The following SPEG variants were observed in gnomAD, a reference collection of about 807,000 sequenced individuals.
SPEG encodes striated muscle enriched protein kinase, also known as striated muscle preferentially expressed protein kinase.
In SPEG, 114 loss-of-function variants were observed where a neutral mutation model predicts 300.4. The ratio of observed to expected loss-of-function variants is 0.38; its 90% CI spans 0.33 to 0.44. SPEG has a LOEUF of 0.44. SPEG is among the 20% of genes least tolerant of loss of function. SPEG has a pLI of 1.00. For synonymous variants in SPEG, 1,964 were observed against 2,018.9 expected, an observed-to-expected ratio of 0.97 and a Z score of 0.73; for missense variants, 4,201 against 4,586.2, an observed-to-expected ratio of 0.92 and a Z score of 2.43.
chr2:219,492,158 A>G lies in SPEG; in HGVS notation c.9509A>G (p.Glu3170Gly). 1 of 1,613,710 alleles carries G rather than the reference A, an allele frequency of 6.2e-7. No homozygotes were observed. Among genetic ancestry groups the G allele is most frequent in the Non-Finnish European group, 8.5e-7 (1 of 1,179,866 alleles). Residue 3170 changes from glutamate to glycine, a missense_variant, in exon 40 of 41, where the codon GAG (glutamate) becomes GGG (glycine). Physicochemically the swap from Glu to Gly is moderately conservative, Grantham distance 98 (BLOSUM62 -2). Around this residue, in one of 4 missense-constraint regions of SPEG, gnomAD observed 318 missense variants for 429.5 expected, o/e 0.74. Coordinates refer to ENST00000312358, the MANE Select transcript of SPEG (RefSeq NM_005876.5). ...PFYEPDPQET[E>G]ARIVGGRFDA... ...TATGAGCCAGACCCCCAGGAAACGG[A>G]GGCTCGGATTGTGGGGGGCCGCTTT...
In SPEG at chr2:219,492,664, C is replaced by T. The variant is rs1215400140; in HGVS notation, c.9682C>T (p.Arg3228Cys). 6.2e-6 allele frequency: 10 copies of T among 1,610,886 alleles called. No individual in the cohort carries two copies. Among genetic ancestry groups the T allele is most frequent in the African/African-American group, 1.3e-5 (1 of 74,932 alleles). The part of the protein sequence containing the change: ...LQDAYLMKLR[R>C]QTLTFTTNRL... The stretch of plus-strand genomic sequence containing the variant: ...GGACGCCTACCTGATGAAGCTGCGC[C>T]GCCAGACGCTCACCTTCACCACCAA... The change falls in exon 41 of 41, where the codon CGC (arginine) becomes TGC (cysteine). Residue 3228 changes from arginine to cysteine, a missense_variant. Arg to Cys is a radical substitution (Grantham distance 180). Transcript: ENST00000312358.
Position 219,477,216 on chromosome 2 carries a change from C to G in SPEG, c.4561-61C>G, listed in dbSNP as rs116017731. On this transcript the variant is annotated intron_variant, in intron 19 of 40. Coordinates refer to ENST00000312358, the MANE Select transcript of SPEG (RefSeq NM_005876.5). This position sits in a 1 kb window ranked among gnomAD's most constrained non-coding sequence, Gnocchi z 6.4. ...GCGCTGCCCAGAGTAGGAGATGAGG[C>G]CCTGGCCCCAAGGTAGAGATGAGGC... 153 of 1,466,986 alleles carry G rather than the reference C, an allele frequency of 1.0e-4. No individual in the cohort carries two copies. Among genetic ancestry groups the G allele is most frequent in the Middle Eastern group, 4.4e-4 (2 of 4,500 alleles). 90.9% of individuals were successfully genotyped at this position (1,466,986 alleles called of 1,614,324 possible).
Position 219,469,012 on chromosome 2 carries a change from A to G in SPEG, c.3455A>G (p.Tyr1152Cys). The change falls in exon 12 of 41, where the codon TAT becomes TGT. Residue 1152 changes from tyrosine (Y) to cysteine (C), a missense_variant. Tyr to Cys is a radical substitution (Grantham distance 194). This residue lies in a region of SPEG where 1,047 missense variants were observed against 1,356.8 expected (regional missense o/e 0.77). Transcript: ENST00000312358. ...HGQAHCSAQLYVEEPRTAASG... is the reference protein window; with the variant it reads ...HGQAHCSAQLCVEEPRTAASG... ...CAGGCCCACTGCTCAGCCCAGCTGT[A>G]TGTAGAAGAGCCCCGGACAGCCGCC... 6.2e-7 allele frequency: 1 copy of G among 1,613,608 alleles called. No individual in the cohort carries two copies. The highest frequency in any genetic ancestry group is 2.2e-5 in the East Asian group (1 of 44,862).
chr2:219,479,873 C>A lies in SPEG; in HGVS notation c.5163+13C>A. Reference sequence around the variant, plus strand: ...CCTCGATGTCAAGGTGAGGTGGGGACTGGAGAGCAGACAGCCCCTGTGGGA... The same window carrying A: ...CCTCGATGTCAAGGTGAGGTGGGGAATGGAGAGCAGACAGCCCCTGTGGGA... On this transcript the variant is annotated intron_variant, in intron 24 of 40. Transcript: ENST00000312358. This position sits in a 1 kb window ranked among gnomAD's most constrained non-coding sequence, Gnocchi z 5.5. 6.2e-7 allele frequency: 1 copy of A among 1,614,064 alleles called. No individual in the cohort carries two copies. Among genetic ancestry groups the A allele is most frequent in the South Asian group, 1.1e-5 (1 of 91,086 alleles).
chr2:219,462,106 T>C, intron 7 of SPEG, 49 bp downstream of exon 7: 1 of 1,454,244 alleles, frequency 6.9e-7, no homozygotes, highest in African/African-American at 1.4e-5. Flanking sequence ...CCCCGTTCCT[T>C]TGGGTGCCCC....
chr2:219,485,800 A>C (rs1441868771), intron 31 of SPEG, among the ~76,000 whole-genome samples: 2 of 152,214 alleles, frequency 1.3e-5, no homozygotes, highest in Non-Finnish European at 2.9e-5. Context: ...TAAGTGGAGC[A>C]GCTGAAGTTG....
chr2:219,461,850 C>G, intron 6 of SPEG, 32 bp from the exon 7 acceptor site: 2 of 1,604,778 alleles, frequency 1.2e-6, no homozygotes, highest in Non-Finnish European at 1.7e-6. Flanking sequence ...TGCTCGCCTT[C>G]CTCCCTGGTA....
intron 40 of SPEG, 58 bp from the exon 41 acceptor site, chr2:219,492,536 G>A: frequency 1.9e-6 from 3 of 1,559,800 alleles, no homozygotes; most frequent in Non-Finnish European, 2.6e-6. Context: ...GGAGGACAGA[G>A]CCCCGGCAGC....
chr2:219,451,092 G>T lies in SPEG; in HGVS notation c.2114-44G>T. The T allele has an allele frequency of 6.4e-7, 1 of 1,562,174 alleles. No individual in the cohort carries two copies. Among genetic ancestry groups the T allele is most frequent in the South Asian group, 1.2e-5 (1 of 81,434 alleles). On this transcript the variant is annotated intron_variant, in intron 4 of 40. Coordinates refer to ENST00000312358, the MANE Select transcript of SPEG (RefSeq NM_005876.5). This position sits in a 1 kb window ranked among gnomAD's most constrained non-coding sequence, Gnocchi z 6.4. Reference sequence around the variant, plus strand: ...GACTCTCTCTCCCGCTGTCATCCCTGCAGGGATCATGGCCCCTTACCCCGT... The same window carrying T: ...GACTCTCTCTCCCGCTGTCATCCCTTCAGGGATCATGGCCCCTTACCCCGT...
At position 219,484,663 on chromosome 2, in the gene SPEG, C is replaced by T. The variant is rs62191887; in HGVS notation, c.7200C>T (p.Val2400=). The T allele has an allele frequency of 4.6e-5, 71 of 1,529,698 alleles. No individual in the cohort carries two copies. In the Middle Eastern group the frequency reaches 6.7e-4, roughly 14 times the overall value. The allele number at this position is 1,529,698 out of a possible 1,614,324, so 94.8% of individuals were successfully genotyped here. Residue 2400 remains valine, a synonymous_variant, in exon 30 of 41, where the codon GTC becomes GTT. Transcript: ENST00000312358. ...RSRSVQDLRA[V]GEPGLVRRLS... ...GCTCGGTGCAGGACCTCAGGGCTGT[C>T]GGAGAGCCTGGCCTCGTCCGCCGCC... is the stretch of plus-strand genomic sequence containing the variant.
Position 219,484,809 on chromosome 2 carries a change from C to G in SPEG, c.7346C>G (p.Pro2449Arg), listed in dbSNP as rs1251677933. ...SEGGSSARGS[P>R]VLAMRRRLSF... is the part of the protein sequence containing the mutation. ...GGCGGGAGCTCGGCGCGGGGCTCCCCGGTGCTGGCGATGCGCAGGCGGCTG... is the reference window on the plus strand; with the variant it reads ...GGCGGGAGCTCGGCGCGGGGCTCCCGGGTGCTGGCGATGCGCAGGCGGCTG... Residue 2449 changes from proline (P) to arginine (R), a missense_variant, in exon 30 of 41, where the codon CCG becomes CGG. By Grantham distance (103) the Pro-to-Arg change is moderately radical (BLOSUM62 -2). This residue lies in a region of SPEG where 1,578 missense variants were observed against 1,506.0 expected (regional missense o/e 1.05). Coordinates refer to ENST00000312358, the MANE Select transcript of SPEG (RefSeq NM_005876.5). 1.2e-5 allele frequency: 18 copies of G among 1,489,896 alleles called. No homozygotes were observed. Among genetic ancestry groups the G allele is most frequent in the Non-Finnish European group, 1.6e-5 (18 of 1,128,838 alleles). The allele number at this position is 1,489,896 out of a possible 1,614,324, so 92.3% of individuals were successfully genotyped here.
In SPEG at chr2:219,462,426, T is replaced by C. The variant is rs375703794; in HGVS notation, c.2705+40T>C. The C allele has an allele frequency of 1.1e-4, 165 of 1,497,798 alleles. No homozygotes were observed. The African/African-American group carries it at 1.9e-3, about 17-fold the overall frequency. The allele number at this position is 1,497,798 out of a possible 1,614,324, so 92.8% of individuals were successfully genotyped here. A position where few individuals can be genotyped will look rare whatever the true frequency, so the allele number is the denominator to read the frequency against. On this transcript the variant is annotated intron_variant, in intron 8 of 40. Transcript: ENST00000312358. ...TTTCCACCACCCACCAGCGACTCTA[T>C]GCCAGGCCTGGCTCTGGGAGGTCTG...
intron 13 of SPEG, among the ~76,000 whole-genome samples, chr2:219,469,804 A>G (rs370799468): frequency 5.9e-5 from 9 of 152,304 alleles, no homozygotes; most frequent in East Asian, 5.8e-4. Context: ...TTTAGTAGCC[A>G]TTATCATCAG....
At chr2:219,467,111 G>A (rs1032695251) in intron 9 of SPEG, 63 bp from the exon 10 acceptor site, 1 of 1,500,268 alleles carries the variant, frequency 6.7e-7, no homozygotes, top group Non-Finnish European at 8.9e-7. Context: ...GTGCGTATGT[G>A]TGTCTCCCTC....
At chr2:219,478,354 A>G (rs999132351) in intron 22 of SPEG, among the ~76,000 whole-genome samples, 1 of 152,192 alleles carries the variant, frequency 6.6e-6, no homozygotes, top group Non-Finnish European at 1.5e-5. Context: ...TTAATCCCAT[A>G]TATTCCTATC....
At chr2:219,482,613 G>A (rs889929703) in intron 28 of SPEG, among the ~76,000 whole-genome samples, 171 bp from the exon 29 acceptor site, 1 of 152,106 alleles carries the variant, frequency 6.6e-6, no homozygotes, top group Non-Finnish European at 1.5e-5. Flanking sequence ...CTTGGCTGTA[G>A]GCATTGTCCT....
chr2:219,480,165 C>A lies in SPEG; in HGVS notation c.5342+25C>A. ...GGTAAGGCTGGCATGCTGGGCTGGG[C>A]CGACCAGGGCAGCTGCCCTTGGGGC... On this transcript the variant is annotated intron_variant, in intron 25 of 40. Transcript: ENST00000312358. The surrounding 1 kb of genome is among the most constrained non-coding windows in gnomAD (Gnocchi z 5.3). The A allele has an allele frequency of 6.2e-7, 1 of 1,610,516 alleles. No homozygotes were observed. The highest frequency in any genetic ancestry group is 8.5e-7 in the Non-Finnish European group (1 of 1,177,936).
rs772821285 is a variant in SPEG, at chr2:219,483,793, C to G, written c.6330C>G (p.Ser2110Arg). ...CCCGGATGGCACGAGCTGCCTCCAG[C>G]GAGGCAGCGCCCCACCACCAGCCCC... ...RDPRMARAASSEAAPHHQPPL... is the reference protein window; with the variant it reads ...RDPRMARAASREAAPHHQPPL... Residue 2110 changes from serine (S) to arginine (R), a missense_variant, in exon 30 of 41, where the codon AGC (serine) becomes AGG (arginine). Physicochemically the swap from Ser to Arg is moderately radical, Grantham distance 110. Transcript: ENST00000312358. The G allele has an allele frequency of 6.4e-7, 1 of 1,565,516 alleles. No homozygotes were observed. Among genetic ancestry groups the G allele is most frequent in the Non-Finnish European group, 8.6e-7 (1 of 1,163,012 alleles).
rs1203628060 is a variant in SPEG, at chr2:219,445,160, G to T, written c.814G>T (p.Val272Phe). The change falls in exon 3 of 41, where the codon GTC becomes TTC. Residue 272 changes from valine to phenylalanine, a missense_variant and splice_region_variant. Physicochemically the swap from Val to Phe is conservative, Grantham distance 50 (BLOSUM62 -1). Transcript: ENST00000312358. The surrounding 1 kb of genome is among the most constrained non-coding windows in gnomAD (Gnocchi z 6.1). Reference protein sequence around the residue: ...LYRGRALSIHVSVPQSGLRRE... With the variant: ...LYRGRALSIHFSVPQSGLRRE... ...CAGAGGACGGGCGCTCTCTATCCAC[G>T]TGTAAGTAACGGCCTTACCTGGGCC... The T allele has an allele frequency of 1.1e-5, 17 of 1,567,832 alleles. No homozygotes were observed. The highest frequency in any genetic ancestry group is 1.3e-5 in the Non-Finnish European group (15 of 1,157,240).
Sources: gnomAD v4.1 joint callset for allele counts (sites outside exome capture counted in the v4.1 genomes callset) on GRCh38, gnomAD v4.1.1 for gene constraint, gnomAD v4.1.1 regional missense constraint, Gnocchi (gnomAD v3.1) non-coding constraint, MANE v1.5 for transcripts, NCBI Gene and HGNC (gene_info 2026-07-23, HGNC 2026-07-21) for gene names.